The following CGN variants were observed in gnomAD, a reference collection of about 807,000 sequenced individuals.
CGN encodes the protein cingulin.
CGN carries 121 observed loss-of-function variants against 157.1 expected under a neutral mutation model. The observed-to-expected ratio is 0.77, with a 90% CI of 0.66 to 0.90. CGN has a LOEUF of 0.90. CGN is among the 40% of genes least tolerant of loss of function. CGN has a pLI of 0.00. For missense variants in CGN, 1,424 were observed against 1,520.9 expected, an observed-to-expected ratio of 0.94 and a Z score of 1.06; for synonymous variants, 535 against 607.5, an observed-to-expected ratio of 0.88 and a Z score of 1.76.
intron 15 of CGN, 38 bp downstream of exon 15, chr1:151,534,174 G>A (rs1343288557): frequency 6.5e-7 from 1 of 1,534,072 alleles, no homozygotes; most frequent in South Asian, 1.2e-5. Flanking sequence ...AAAAAGGGTG[G>A]GACTTCCAAG....
At chr1:151,529,023 A>T (rs1398910893) in intron 10 of CGN, among the ~76,000 whole-genome samples, 9 of 152,160 alleles carry the variant, frequency 5.9e-5, no homozygotes. Flanking sequence ...CTCTGTGGGT[A>T]TACCGTGTTT....
chr1:151,516,687 C>A (rs1334182658), intron 1 of CGN, among the ~76,000 whole-genome samples: 3 of 151,566 alleles, frequency 2.0e-5, no homozygotes, highest in African/African-American at 7.3e-5. Context: ...GGATTACAGG[C>A]CCCCGCTACC....
Position 151,530,123 on chromosome 1 carries a change from G to C in CGN, c.2313+8G>C. The C allele has an allele frequency of 6.2e-7, 1 of 1,606,950 alleles. No individual in the cohort carries two copies. Among genetic ancestry groups the C allele is most frequent in the Non-Finnish European group, 8.5e-7 (1 of 1,174,500 alleles). On this transcript the variant is annotated splice_region_variant and intron_variant, in intron 12 of 20. Transcript: ENST00000271636. Reference sequence around the variant, plus strand: ...AAGCTGCAGCGGCTGGAGGTCAGTGGTTCTGCCCTCCCAGCCCTCTCTGCT... The same window carrying C: ...AAGCTGCAGCGGCTGGAGGTCAGTGCTTCTGCCCTCCCAGCCCTCTCTGCT...
In CGN at chr1:151,511,642, G is replaced by C. The variant is rs969577373; in HGVS notation, c.-15+127G>C. 1 of 152,578 alleles carries C rather than the reference G, an allele frequency of 6.6e-6. No homozygotes were observed. Among genetic ancestry groups the C allele is most frequent in the Admixed American group, 6.5e-5 (1 of 15,272 alleles). 9.5% of individuals were successfully genotyped at this position (152,578 alleles called of 1,614,324 possible). A position where few individuals can be genotyped will look rare whatever the true frequency, so the allele number is the denominator to read the frequency against. ...AGGGCACCGGTGCCGAGTGGGAGAC[G>C]GGAGGAGGGGAGATTGGGGCGGGGT... is the stretch of plus-strand genomic sequence containing the variant. On this transcript the variant is annotated intron_variant, in intron 1 of 20. Coordinates refer to ENST00000271636, the MANE Select transcript of CGN (RefSeq NM_020770.3). The surrounding 1 kb of genome is among the most constrained non-coding windows in gnomAD (Gnocchi z 4.8).
chr1:151,516,190 C>CG (rs1664406663), intron 1 of CGN, among the ~76,000 whole-genome samples: 2 of 152,280 alleles, frequency 1.3e-5, no homozygotes, highest in South Asian at 4.2e-4. Context: ...GGCTTGCTAG[C>CG]ACTTTACAGT....
At chr1:151,536,582 C>G (rs1425157406) in intron 19 of CGN, 148 bp from the exon 20 acceptor site, 19 of 713,094 alleles carry the variant, frequency 2.7e-5, no homozygotes, top group Non-Finnish European at 4.5e-5. Flanking sequence ...TACATTTAAT[C>G]CCTAAGACAA....
chr1:151,524,407 G>A lies in CGN; in HGVS notation c.1401+49G>A. The A allele has an allele frequency of 6.2e-7, 1 of 1,605,890 alleles. No individual in the cohort carries two copies. The highest frequency in any genetic ancestry group is 8.5e-7 in the Non-Finnish European group (1 of 1,176,046). On this transcript the variant is annotated intron_variant, in intron 7 of 20. Coordinates refer to ENST00000271636, the MANE Select transcript of CGN (RefSeq NM_020770.3). This position sits in a 1 kb window ranked among gnomAD's most constrained non-coding sequence, Gnocchi z 4.4. The stretch of plus-strand genomic sequence containing the variant: ...CAGCCTCTGCTTTTTCTCAGTTGGA[G>A]CATCCTCAAGTCTGCTCATCCATGG...
intron 16 of CGN, 90 bp downstream of exon 16, chr1:151,535,221 C>A: frequency 1.0e-6 from 1 of 990,990 alleles, no homozygotes; most frequent in Non-Finnish European, 1.6e-6. Context: ...CATCTTTCAT[C>A]ATCTGGCTGC....
chr1:151,511,881 G>A lies in CGN; in HGVS notation c.-15+366G>A, dbSNP rs1470966623. Among the ~76,000 whole-genome samples, 2 of 152,190 alleles carry A rather than the reference G, an allele frequency of 1.3e-5. No individual in the cohort carries two copies. Among genetic ancestry groups the A allele is most frequent in the African/African-American group, 2.4e-5 (1 of 41,450 alleles). Reference sequence around the variant, plus strand: ...GGAAGGAGTTAGTTCCAGCTGAGTCGGGAACTGCTGCTGCCTGAGGTGCAG... The same window carrying A: ...GGAAGGAGTTAGTTCCAGCTGAGTCAGGAACTGCTGCTGCCTGAGGTGCAG... On this transcript the variant is annotated intron_variant, in intron 1 of 20. Transcript: ENST00000271636. This position sits in a 1 kb window ranked among gnomAD's most constrained non-coding sequence, Gnocchi z 4.8.
intron 11 of CGN, 28 bp downstream of exon 11, chr1:151,529,587 AG>A: frequency 6.3e-7 from 1 of 1,593,146 alleles, no homozygotes; most frequent in Non-Finnish European, 8.6e-7. Context: ...AGGGCTTAGG[AG>A]GTGGAGGCTG....
chr1:151,525,818 C>T (rs914226294), intron 9 of CGN, 28 bp downstream of exon 9: 1 of 1,429,548 alleles, frequency 7.0e-7, no homozygotes, highest in Non-Finnish European at 9.2e-7. Context: ...CTCAGAAATA[C>T]CCATGATTCA....
intron 16 of CGN, 85 bp downstream of exon 16, chr1:151,535,216 TTCA>T: frequency 9.6e-7 from 1 of 1,040,082 alleles, no homozygotes; most frequent in Non-Finnish European, 1.5e-6. Flanking sequence ...CCTCCCATCT[TTCA>T]TCATCTGGCT....
rs1391986289 is a variant in CGN at position 151,524,695 on chromosome 1, C to G, written c.1423C>G (p.Leu475Val). Residue 475 changes from leucine to valine, a missense_variant, in exon 8 of 21, where the codon CTT becomes GTT. This residue lies in a region of CGN where 1,187 missense variants were observed against 1,217.6 expected (regional missense o/e 0.97). Transcript: ENST00000271636. This position sits in a 1 kb window ranked among gnomAD's most constrained non-coding sequence, Gnocchi z 4.4. ...CCAGGACCTGTTAGAGACCCGGGAA[C>G]TTCTGGAAGAGGTCTTGGAGGGGAA... ...LLKDLLETRE[L>V]LEEVLEGKQR... is the part of the protein sequence containing the mutation. 1 of 1,608,580 alleles carries G rather than the reference C, an allele frequency of 6.2e-7. No homozygotes were observed. Among genetic ancestry groups the G allele is most frequent in the Non-Finnish European group, 8.5e-7 (1 of 1,178,938 alleles).
rs1664621080 is a variant in CGN at position 151,524,445 on chromosome 1, A to G, written c.1401+87A>G. On this transcript the variant is annotated intron_variant, in intron 7 of 20. Transcript: ENST00000271636. This position sits in a 1 kb window ranked among gnomAD's most constrained non-coding sequence, Gnocchi z 4.4. Reference sequence around the variant, plus strand: ...TGCTCATCCATGGTTTCCCCAAAGTATGAGGAGTGGGTGGCTGATTACAGG... The same window carrying G: ...TGCTCATCCATGGTTTCCCCAAAGTGTGAGGAGTGGGTGGCTGATTACAGG... The G allele has an allele frequency of 1.3e-6, 2 of 1,578,000 alleles. No individual in the cohort carries two copies. The highest frequency in any genetic ancestry group is 2.3e-5 in the South Asian group (2 of 87,182).
chr1:151,530,215 T>C, intron 12 of CGN, 100 bp downstream of exon 12: 1 of 1,334,162 alleles, frequency 7.5e-7, no homozygotes, highest in Non-Finnish European at 1.0e-6. Context: ...TTAGTGTGCA[T>C]CTGTTTTGCC....
intron 5 of CGN, among the ~76,000 whole-genome samples, chr1:151,521,242 T>G (rs2102491195): frequency 6.6e-6 from 1 of 152,318 alleles, no homozygotes; most frequent in South Asian, 2.1e-4. Context: ...TGTACCCTTT[T>G]TAAAAACATG....
Position 151,537,460 on chromosome 1 carries a change from T to A in CGN, c.*114T>A. 1 of 862,920 alleles carries A rather than the reference T, an allele frequency of 1.2e-6. No homozygotes were observed. The highest frequency in any genetic ancestry group is 1.7e-6 in the Non-Finnish European group (1 of 579,740). 53.5% of individuals were successfully genotyped at this position (862,920 alleles called of 1,614,324 possible). ...TATGGGTGACCCAATTATTCAGACCTAAGACAGGGAGGGGTCAGAGTGATG... is the reference window on the plus strand; with the variant it reads ...TATGGGTGACCCAATTATTCAGACCAAAGACAGGGAGGGGTCAGAGTGATG... On this transcript the variant is annotated 3_prime_UTR_variant, in exon 21 of 21. Transcript: ENST00000271636.
chr1:151,527,035 G>A lies in CGN; in HGVS notation c.1824G>A (p.Glu608=), dbSNP rs1664698124. 1.2e-6 allele frequency: 2 copies of A among 1,614,068 alleles called. No homozygotes were observed. Among genetic ancestry groups the A allele is most frequent in the East Asian group, 2.2e-5 (1 of 44,896 alleles). The change falls in exon 10 of 21, where the codon GAG becomes GAA. Residue 608 remains glutamate, a synonymous_variant. Transcript: ENST00000271636. ...AAGAGGAGCTTGGAGAGAAGATAGA[G>A]GTCTTGCAGAGGGAATTAGAGCAGG... ...EMEEELGEKI[E]VLQRELEQAR...
Position 151,520,170 on chromosome 1 carries a change from A to G in CGN, c.878A>G (p.Lys293Arg), listed in dbSNP as rs200681495. Residue 293 changes from lysine to arginine, a missense_variant, in exon 3 of 21, where the codon AAA becomes AGA. This residue lies in a region of CGN where 1,187 missense variants were observed against 1,217.6 expected (regional missense o/e 0.97). Transcript: ENST00000271636. ...CTTTTTCTTTTTTTTTAACAGTTCA[A>G]ATCAACTCCAGACCTCCTTCGAGAC... ...SAQDPTMLQF[K>R]STPDLLRDQQ... 5.5e-5 allele frequency: 89 copies of G among 1,606,518 alleles called. No individual in the cohort carries two copies. Among genetic ancestry groups the G allele is most frequent in the African/African-American group, 1.5e-4 (11 of 74,188 alleles).
Sources: allele counts gnomAD v4.1 joint callset (sites outside exome capture counted in the v4.1 genomes callset), GRCh38; gene constraint gnomAD v4.1.1; regional missense constraint gnomAD v4.1.1; non-coding constraint Gnocchi (gnomAD v3.1); transcripts MANE v1.5; gene names NCBI Gene and HGNC (gene_info 2026-07-23, HGNC 2026-07-21).